The following SLX4 variants were observed in gnomAD, a reference collection of about 807,000 sequenced individuals.
SLX4 encodes SLX4 structure-specific endonuclease subunit.
A neutral mutation model predicts 146.2 loss-of-function variants in SLX4; 112 were observed. The observed-to-expected ratio is 0.77, with a 90% CI of 0.66 to 0.90. The LOEUF is 0.90. Among genes scored for constraint, SLX4 ranks in the 40% least tolerant of loss-of-function variants. The pLI is 0.00. For missense variants in SLX4, 2,563 were observed against 2,392.7 expected (o/e 1.07, Z -1.49); for synonymous variants, 1,061 against 997.7 (o/e 1.06, Z -1.20).
At position 3,591,054 on chromosome 16, in the gene SLX4, G is replaced by A. The variant is rs200715208; in HGVS notation, c.2584C>T (p.Arg862Ter). ...EEIYEFAATQ[R>*]KLLQEERAAG... ...GCCCTTTCTTCCTGGAGAAGCTTTC[G>A]CTGAGTAGCTGCAAATTCATAAATT... The change falls in exon 12 of 15, where the codon CGA becomes TGA. Residue 862 changes from arginine (R) to a stop codon, truncating the protein, a stop_gained. Coordinates refer to ENST00000294008, the MANE Select transcript of SLX4 (RefSeq NM_032444.4). LOFTEE classifies it high-confidence loss of function. 18 of 1,614,106 alleles carry A rather than the reference G, an allele frequency of 1.1e-5. No individual in the cohort carries two copies. Among genetic ancestry groups the A allele is most frequent in the Admixed American group, 1.7e-5 (1 of 60,034 alleles).
intron 10 of SLX4, among the ~76,000 whole-genome samples, chr16:3,594,146 C>T (rs906872812): frequency 3.3e-5 from 5 of 152,284 alleles, no homozygotes; most frequent in East Asian, 3.9e-4. Context: ...GAATTACAGG[C>T]GTGAGCCACC....
chr16:3,592,351 G>A (rs1213924664), intron 11 of SLX4, among the ~76,000 whole-genome samples: 1 of 152,260 alleles, frequency 6.6e-6, no homozygotes, highest in Non-Finnish European at 1.5e-5. Flanking sequence ...AAGGACTGCT[G>A]TTGTTCAGGT....
chr16:3,596,174 C>T lies in SLX4; in HGVS notation c.1903G>A (p.Ala635Thr), dbSNP rs1796340184. The change falls in exon 8 of 15, where the codon GCT (alanine) becomes ACT (threonine). Residue 635 changes from alanine (A) to threonine (T), a missense_variant. Physicochemically the swap from Ala to Thr is moderately conservative, Grantham distance 58. Transcript: ENST00000294008. The stretch of plus-strand genomic sequence containing the variant: ...TCACCTGCAGTCCCTTCCGAGCCAG[C>T]CAGGCCCCCACTGCCGGGCCACGGG... The part of the protein sequence containing the change: ...ASPWPGSGGL[A>T]GSEGTAGLDV... The T allele has an allele frequency of 1.3e-6, 2 of 1,551,862 alleles. No homozygotes were observed. Among genetic ancestry groups the T allele is most frequent in the Non-Finnish European group, 1.7e-6 (2 of 1,150,336 alleles).
rs900147869 is a variant in SLX4 at position 3,601,414 on chromosome 16, C to G, written c.951-223G>C. The G allele has an allele frequency of 2.2e-5, 13 of 582,376 alleles. No individual in the cohort carries two copies. In the African/African-American group the frequency reaches 2.2e-4, roughly 10 times the overall value. The allele number at this position is 582,376 out of a possible 1,614,324, so 36.1% of individuals were successfully genotyped here. On this transcript the variant is annotated intron_variant, in intron 4 of 14. Transcript: ENST00000294008. The stretch of plus-strand genomic sequence containing the variant: ...AAAGAAAGCAAGGAAAGATTAAATG[C>G]AGTTACATGATGACTTAGAAATTCC...
chr16:3,589,593 CG>C lies in SLX4; in HGVS notation c.4044del (p.Gly1350AlafsTer25), dbSNP rs770490824. 5 of 1,613,554 alleles carry C rather than the reference CG, an allele frequency of 3.1e-6. No homozygotes were observed. The highest frequency in any genetic ancestry group is 4.2e-6 in the Non-Finnish European group (5 of 1,179,960). ...AGCGGAGAGGAGTGCGGGTGGCCCCCGGGGTGGGGACGGGAAGGGCTTCTGT... is the reference window on the plus strand; with the variant it reads ...AGCGGAGAGGAGTGCGGGTGGCCCCCGGGTGGGGACGGGAAGGGCTTCTGT... ...QGHRSPSRPHPGGHPHSSPLA... is the reference protein window; with the variant it reads ...QGHRSPSRPHXGGHPHSSPLA... On this transcript the variant is annotated frameshift_variant, in exon 12 of 15. Transcript: ENST00000294008. LOFTEE classifies it high-confidence loss of function. The surrounding 1 kb of genome is among the most constrained non-coding windows in gnomAD (Gnocchi z 6.2).
rs765606538 is a variant in SLX4, at chr16:3,589,522, C to T, written c.4116G>A (p.Arg1372=). 1.2e-6 allele frequency: 2 copies of T among 1,609,854 alleles called. No individual in the cohort carries two copies. The highest frequency in any genetic ancestry group is 1.7e-6 in the Non-Finnish European group (2 of 1,177,132). Residue 1372 remains arginine, a synonymous_variant, in exon 12 of 15, where the codon CGG becomes CGA. Coordinates refer to ENST00000294008, the MANE Select transcript of SLX4 (RefSeq NM_032444.4). The surrounding 1 kb of genome is among the most constrained non-coding windows in gnomAD (Gnocchi z 6.2). ...ISGDRAHFSR[R]FLKHSPPGPS... is the part of the protein sequence containing the mutation. ...GCCCAGGCGGCGAGTGTTTCAGGAA[C>T]CGCCTGCTGAAGTGGGCGCGGTCCC...
chr16:3,606,492 C>G lies in SLX4; in HGVS notation c.742G>C (p.Glu248Gln). 3.1e-6 allele frequency: 5 copies of G among 1,614,230 alleles called. No individual in the cohort carries two copies. Among genetic ancestry groups the G allele is most frequent in the Non-Finnish European group, 3.4e-6 (4 of 1,180,034 alleles). The change falls in exon 3 of 15, where the codon GAG (glutamate) becomes CAG (glutamine). Residue 248 changes from glutamate to glutamine, a missense_variant. Glu to Gln is a conservative substitution (Grantham distance 29). Coordinates refer to ENST00000294008, the MANE Select transcript of SLX4 (RefSeq NM_032444.4). Reference sequence around the variant, plus strand: ...ATCATACCATTCCCCGCCATCATCTCCTCTTGAGGATCCTTTGGGACATTT... The same window carrying G: ...ATCATACCATTCCCCGCCATCATCTGCTCTTGAGGATCCTTTGGGACATTT... ...EENVPKDPQE[E>Q]MMAGNVYGLG...
In SLX4 at chr16:3,601,023, C is replaced by T. The variant is rs2151133983; in HGVS notation, c.1119G>A (p.Leu373=). The T allele has an allele frequency of 2.5e-6, 4 of 1,613,900 alleles. No homozygotes were observed. The highest frequency in any genetic ancestry group is 3.4e-6 in the Non-Finnish European group (4 of 1,180,026). ...GPQLLLQAVR[L]QTAQPEGSSS... ...TGCTACCCTCAGGCTGTGCTGTCTGCAGCCGCACAGCCTGAAGCAGGAGCT... is the reference window on the plus strand; with the variant it reads ...TGCTACCCTCAGGCTGTGCTGTCTGTAGCCGCACAGCCTGAAGCAGGAGCT... The change falls in exon 5 of 15, where the codon CTG becomes CTA. Residue 373 remains leucine, a synonymous_variant. Coordinates refer to ENST00000294008, the MANE Select transcript of SLX4 (RefSeq NM_032444.4).
chr16:3,586,477 C>T (rs1401156376), intron 12 of SLX4, among the ~76,000 whole-genome samples: 4 of 152,016 alleles, frequency 2.6e-5, no homozygotes, highest in East Asian at 1.9e-4. Context: ...GCTGTAATTG[C>T]GCCACTGCAC....
At chr16:3,600,758 G>A (rs566911119) in intron 5 of SLX4, 1 of 508,768 alleles carries the variant, frequency 2.0e-6, no homozygotes, top group African/African-American at 1.9e-5. Flanking sequence ...GTGCCACCAT[G>A]CTAATTTTTG....
intron 8 of SLX4, 92 bp downstream of exon 8, chr16:3,596,061 C>A: frequency 6.8e-7 from 1 of 1,478,662 alleles, no homozygotes; most frequent in Non-Finnish European, 8.9e-7. Flanking sequence ...GCCGTCGCGG[C>A]GGCACAAGAG....
chr16:3,589,228 C>T lies in SLX4; in HGVS notation c.4410G>A (p.Pro1470=), dbSNP rs1555449966. 2.2e-5 allele frequency: 35 copies of T among 1,610,180 alleles called. No individual in the cohort carries two copies. In the South Asian group the frequency reaches 2.7e-4, roughly 13 times the overall value. The change falls in exon 12 of 15, where the codon CCG becomes CCA. Residue 1470 remains proline, a synonymous_variant. Transcript: ENST00000294008. This position sits in a 1 kb window ranked among gnomAD's most constrained non-coding sequence, Gnocchi z 6.2. ...GGATGGGGGTGGTGTCCAGGAGTCC[C>T]GGGGAGCGACAGTCACGGCTGTCGG... ...EAADSRDCRS[P]GLLDTTPIRG...
intron 5 of SLX4, among the ~76,000 whole-genome samples, chr16:3,599,517 T>C (rs1410204837): frequency 6.6e-6 from 1 of 152,258 alleles, no homozygotes; most frequent in Non-Finnish European, 1.5e-5. Flanking sequence ...ATTTTAACTT[T>C]TAAGCATTAA....
intron 7 of SLX4, 80 bp from the exon 8 acceptor site, chr16:3,596,473 T>C: frequency 4.1e-6 from 6 of 1,468,884 alleles, no homozygotes; most frequent in South Asian, 1.3e-5. Flanking sequence ...ACATGTGGTA[T>C]GCACGGCTGG....
At position 3,595,023 on chromosome 16, in the gene SLX4, T is replaced by C. The variant is rs539956305; in HGVS notation, c.2014-424A>G. 3.0e-4 allele frequency among the ~76,000 whole-genome samples: 45 copies of C among 152,206 alleles called. No individual in the cohort carries two copies. The East Asian group carries it at 5.0e-3, about 17-fold the overall frequency. On this transcript the variant is annotated intron_variant, in intron 9 of 14. Transcript: ENST00000294008. ...TGGCCAAGAGGACAGCCGGGTCCAGTCTGTGATGATGTCCCTAGGCTGGCC... is the reference window on the plus strand; with the variant it reads ...TGGCCAAGAGGACAGCCGGGTCCAGCCTGTGATGATGTCCCTAGGCTGGCC...
rs762063384 is a variant in SLX4 at position 3,602,326 on chromosome 16, G to A, written c.761-19C>T. 6.2e-7 allele frequency: 1 copy of A among 1,612,756 alleles called. No homozygotes were observed. Among genetic ancestry groups the A allele is most frequent in the East Asian group, 2.2e-5 (1 of 44,888 alleles). On this transcript the variant is annotated intron_variant, in intron 3 of 14. Transcript: ENST00000294008. ...CCATACACTGTGGAGAAGCACCAAA[G>A]ATCCGTGAGAATAAACTCCAAAGAC...
intron 10 of SLX4, among the ~76,000 whole-genome samples, chr16:3,593,668 TCC>T (rs1413517637): frequency 1.3e-5 from 2 of 152,194 alleles, no homozygotes; most frequent in Non-Finnish European, 2.9e-5. Flanking sequence ...TTAAGAGTCC[TCC>T]TGATAGACAC....
In SLX4 at chr16:3,608,412, T is replaced by TA; in HGVS notation, c.535+17dup. On this transcript the variant is annotated intron_variant, in intron 2 of 14. Coordinates refer to ENST00000294008, the MANE Select transcript of SLX4 (RefSeq NM_032444.4). ...CCAGGAAGTTTTCCAGCCCCTGGTT[T>TA]AAAAGAGTACAAATTACCTCTGGTT... 1 of 1,614,158 alleles carries TA rather than the reference T, an allele frequency of 6.2e-7. No individual in the cohort carries two copies. Among genetic ancestry groups the TA allele is most frequent in the Non-Finnish European group, 8.5e-7 (1 of 1,179,990 alleles).
At chr16:3,594,077 T>C (rs1215802292) in intron 10 of SLX4, among the ~76,000 whole-genome samples, 3 of 152,012 alleles carry the variant, frequency 2.0e-5, no homozygotes, top group Non-Finnish European at 4.4e-5. Context: ...TTCACTGTGT[T>C]AGGATGGTCT....
Sources: gnomAD v4.1 joint callset for allele counts (sites outside exome capture counted in the v4.1 genomes callset) on GRCh38, gnomAD v4.1.1 for gene constraint, Gnocchi (gnomAD v3.1) non-coding constraint, MANE v1.5 for transcripts, NCBI Gene and HGNC (gene_info 2026-07-23, HGNC 2026-07-21) for gene names.